Variants in ADGB observed in about 807,000 individuals in gnomAD.
ADGB encodes the protein calpain-7-like protein.
Under a neutral mutation model 210.5 loss-of-function variants are expected in ADGB, and 172 were observed. That is an observed-to-expected ratio of 0.82 (90% CI 0.72 to 0.93). ADGB has a LOEUF of 0.93. Ranked by LOEUF, ADGB falls within the 40% of genes least tolerant of loss-of-function variation. The pLI is 0.00. For synonymous variants in ADGB, 658 were observed against 662.7 expected, an observed-to-expected ratio of 0.99 and a Z score of 0.11; for missense variants, 2,025 against 1,964.8, an observed-to-expected ratio of 1.03 and a Z score of -0.58.
At position 146,700,978 on chromosome 6, in the gene ADGB, C is replaced by T. The variant is rs1396501753; in HGVS notation, c.1615C>T (p.Pro539Ser). The change falls in exon 13 of 36, where the codon CCA (proline) becomes TCA (serine). Residue 539 changes from proline to serine, a missense_variant. Pro to Ser is a moderately conservative substitution (Grantham distance 74). Transcript: ENST00000397944. ...CTCCTTAATTAAGAAAGGAATACCT[C>T]CAGGATCTGATTTACCTTCCGTCAG... ...VRSLIKKGIP[P>S]GSDLPSVSET... The T allele has an allele frequency of 6.4e-7, 1 of 1,550,942 alleles. No homozygotes were observed.
At position 146,691,245 on chromosome 6, in the gene ADGB, C is replaced by T. The variant is rs1294535948; in HGVS notation, c.1441C>T (p.Leu481Phe). The T allele has an allele frequency of 1.9e-6, 3 of 1,547,494 alleles. No individual in the cohort carries two copies. Among genetic ancestry groups the T allele is most frequent in the Admixed American group, 2.0e-5 (1 of 50,390 alleles). The change falls in exon 11 of 36, where the codon CTC becomes TTC. Residue 481 changes from leucine to phenylalanine, a missense_variant. Coordinates refer to ENST00000397944, the MANE Select transcript of ADGB (RefSeq NM_024694.4). Reference protein sequence around the residue: ...PKPPPLPPWKLIRQKKETVIT... With the variant: ...PKPPPLPPWKFIRQKKETVIT... Reference sequence around the variant, plus strand: ...ACCACCTCCTCTACCTCCCTGGAAACTCATTCGTCAAAAAAAGGAAACTGT... The same window carrying T: ...ACCACCTCCTCTACCTCCCTGGAAATTCATTCGTCAAAAAAAGGAAACTGT...
chr6:146,693,810 G>A (rs1243868436), intron 12 of ADGB, among the ~76,000 whole-genome samples: 1 of 152,078 alleles, frequency 6.6e-6, no homozygotes, highest in African/African-American at 2.4e-5. Flanking sequence ...CTGCTCACAA[G>A]TTCTACCTTC....
intron 25 of ADGB, among the ~76,000 whole-genome samples, chr6:146,742,305 T>TA (rs1777173071): frequency 6.6e-6 from 1 of 151,982 alleles, no homozygotes; most frequent in African/African-American, 2.4e-5. Context: ...TTAGAAGTTG[T>TA]ATATGTTTCA....
chr6:146,648,386 C>T (rs1174979426), intron 3 of ADGB, among the ~76,000 whole-genome samples: 2 of 151,998 alleles, frequency 1.3e-5, no homozygotes, highest in Non-Finnish European at 2.9e-5. Flanking sequence ...ACTATAAAGA[C>T]ATACCTGAGA....
chr6:146,753,055 CAAA>C (rs537337295), intron 27 of ADGB, among the ~76,000 whole-genome samples: 252 of 151,984 alleles, frequency 1.7e-3, no homozygotes, highest in African/African-American at 5.7e-3. Context: ...CTAAAATTAA[CAAA>C]AACTAAAGTT....
intron 5 of ADGB, among the ~76,000 whole-genome samples, chr6:146,661,229 T>C (rs1046370600): frequency 2.0e-5 from 3 of 146,512 alleles, no homozygotes; most frequent in Non-Finnish European, 4.5e-5. Flanking sequence ...TCTTTTTTTT[T>C]TTTTTTTTGG....
At chr6:146,765,686 A>T (rs1323176310) in intron 28 of ADGB, among the ~76,000 whole-genome samples, 3 of 151,614 alleles carry the variant, frequency 2.0e-5, no homozygotes, top group Non-Finnish European at 4.4e-5. Context: ...TAACAATCCA[A>T]ATTTGTAAAC....
chr6:146,681,095 C>T (rs1274005334), intron 9 of ADGB, among the ~76,000 whole-genome samples: 2 of 152,090 alleles, frequency 1.3e-5, no homozygotes, highest in African/African-American at 2.4e-5. Flanking sequence ...CAACAAAAGT[C>T]CAGGATATAT....
At position 146,784,672 on chromosome 6, in the gene ADGB, A is replaced by C. The variant is rs761195698; in HGVS notation, c.4090A>C (p.Arg1364=). Residue 1364 remains arginine (R), a synonymous_variant, in exon 31 of 36, where the codon AGG becomes CGG. Transcript: ENST00000397944. ...EDPNKPYWIL[R]LVTEHNESEL... The stretch of plus-strand genomic sequence containing the variant: ...CCCAAATAAACCCTACTGGATTTTG[A>C]GGTTGGTCACTGAACACAATGAATC... 26 of 1,551,292 alleles carry C rather than the reference A, an allele frequency of 1.7e-5. No individual in the cohort carries two copies. Among genetic ancestry groups the C allele is most frequent in the Non-Finnish European group, 2.2e-5 (25 of 1,146,754 alleles).
rs1369679725 is a variant in ADGB, at chr6:146,802,025, C to A, written c.4818+14C>A. On this transcript the variant is annotated intron_variant, in intron 35 of 35. Transcript: ENST00000397944. ...AAGGAAATGCAGGTGAGTCTAAAAG[C>A]ACATACATAGATTATAGTTGGCAAA... The A allele has an allele frequency of 6.7e-7, 1 of 1,487,012 alleles. No individual in the cohort carries two copies. Among genetic ancestry groups the A allele is most frequent in the African/African-American group, 1.4e-5 (1 of 69,804 alleles). 92.1% of individuals were successfully genotyped at this position (1,487,012 alleles called of 1,614,324 possible). A position where few individuals can be genotyped will look rare whatever the true frequency, so the allele number is the denominator to read the frequency against.
At chr6:146,776,324 C>T (rs1367866421) in intron 29 of ADGB, among the ~76,000 whole-genome samples, 1 of 151,826 alleles carries the variant, frequency 6.6e-6, no homozygotes, top group Non-Finnish European at 1.5e-5. Context: ...ATATGTATTT[C>T]CTGTAAAGCT....
chr6:146,710,428 A>G (rs1776643123), intron 13 of ADGB, among the ~76,000 whole-genome samples: 1 of 152,084 alleles, frequency 6.6e-6, no homozygotes, highest in Non-Finnish European at 1.5e-5. Flanking sequence ...TAATGCTTGT[A>G]AATGTAGTTC....
At position 146,802,123 on chromosome 6, in the gene ADGB, G is replaced by C. The variant is rs942186766; in HGVS notation, c.4818+112G>C. The C allele has an allele frequency of 2.4e-5, 18 of 752,976 alleles. 1 individual carries two copies. In the South Asian group the frequency reaches 2.4e-4, roughly 10 times the overall value. 46.6% of individuals were successfully genotyped at this position (752,976 alleles called of 1,614,324 possible). ...TATAGAAATAAGTCTTGAAAACATA[G>C]GTTTCTATTATTCACAACTTCTAGG... On this transcript the variant is annotated intron_variant, in intron 35 of 35. Coordinates refer to ENST00000397944, the MANE Select transcript of ADGB (RefSeq NM_024694.4).
Position 146,736,352 on chromosome 6 carries a change from T to C in ADGB, c.2795-146T>C, listed in dbSNP as rs1016168080. The C allele has an allele frequency of 1.7e-5, 9 of 543,738 alleles. No individual in the cohort carries two copies. In the East Asian group the frequency reaches 1.8e-4, roughly 11 times the overall value. The allele number at this position is 543,738 out of a possible 1,614,324, so 33.7% of individuals were successfully genotyped here. On this transcript the variant is annotated intron_variant, in intron 22 of 35. Coordinates refer to ENST00000397944, the MANE Select transcript of ADGB (RefSeq NM_024694.4). Reference sequence around the variant, plus strand: ...AAGTTTGTAGCTCATATTTTAAACCTGAGTTTTCTGCTAATGAAGCCTATG... The same window carrying C: ...AAGTTTGTAGCTCATATTTTAAACCCGAGTTTTCTGCTAATGAAGCCTATG...
At chr6:146,759,152 T>C (rs983240077) in intron 27 of ADGB, among the ~76,000 whole-genome samples, 9 of 151,842 alleles carry the variant, frequency 5.9e-5, no homozygotes, top group African/African-American at 1.7e-4. Flanking sequence ...GATATCAAGG[T>C]ACACACTACC....
intron 25 of ADGB, among the ~76,000 whole-genome samples, chr6:146,743,787 G>C (rs866235724): frequency 2.0e-5 from 3 of 152,114 alleles, no homozygotes; most frequent in East Asian, 1.9e-4. Context: ...GGTGGCGTGC[G>C]CCTGTAGTCC....
chr6:146,716,575 G>C, intron 14 of ADGB, among the ~76,000 whole-genome samples: 1 of 115,036 alleles, frequency 8.7e-6, no homozygotes, highest in Non-Finnish European at 1.5e-5. Context: ...AGTCCCACCT[G>C]GGCGACAGAG....
intron 12 of ADGB, 128 bp downstream of exon 12, chr6:146,693,043 G>A (rs1776353545): frequency 1.8e-6 from 1 of 559,974 alleles, no homozygotes. Flanking sequence ...CCAAATACAT[G>A]TAAAAACTTT....
chr6:146,679,271 C>G (rs1034808789), intron 9 of ADGB, among the ~76,000 whole-genome samples: 1 of 152,174 alleles, frequency 6.6e-6, no homozygotes, highest in Non-Finnish European at 1.5e-5. Context: ...ACCCCTTTCA[C>G]TCTTCTTCTC....
Sources: gnomAD v4.1 joint callset for allele counts (sites outside exome capture counted in the v4.1 genomes callset) on GRCh38, gnomAD v4.1.1 for gene constraint, MANE v1.5 for transcripts, NCBI Gene and HGNC (gene_info 2026-07-23, HGNC 2026-07-21) for gene names.